C12orf42: variants seen among roughly 807,000 people sequenced by gnomAD.
C12orf42 encodes uncharacterized protein C12orf42.
C12orf42 carries 25 observed loss-of-function variants against 21.6 expected under a neutral mutation model. The ratio of observed to expected loss-of-function variants is 1.16; its 90% CI spans 0.84 to 1.62. The LOEUF (loss-of-function observed/expected upper bound fraction) is 1.62. Among genes scored for constraint, C12orf42 ranks in the 40% most tolerant of loss-of-function variants. The probability of loss-of-function intolerance (pLI) is 0.00; values close to 1 mark genes in which losing one functional copy is unlikely to be tolerated. For synonymous variants in C12orf42, 174 were observed against 175.0 expected (o/e 0.99, Z 0.05); for missense variants, 483 against 459.3 (o/e 1.05, Z -0.47).
At chr12:103,300,534 A>C (rs11111517), downstream of C12orf42, among the ~76,000 whole-genome samples, 12,608 of 152,208 alleles carry the variant, frequency 0.083, 518 homozygotes, top group East Asian at 0.18. Context: ...AGGAATTTGC[A>C]CTTCTACAGC....
intron 4 of C12orf42, among the ~76,000 whole-genome samples, chr12:103,362,464 A>C (rs897532669): frequency 2.0e-5 from 3 of 152,064 alleles, no homozygotes; most frequent in African/African-American, 4.8e-5. Flanking sequence ...ACCACCCCCC[A>C]AAAAAATCAC....
chr12:103,407,074 T>A (rs535745932), intron 2 of C12orf42, among the ~76,000 whole-genome samples: 6 of 152,264 alleles, frequency 3.9e-5, no homozygotes, highest in Admixed American at 3.9e-4. Context: ...GAGAACTCAA[T>A]GACAGCCAAG....
intron 5 of C12orf42, among the ~76,000 whole-genome samples, chr12:103,272,574 C>G (rs1236108796): frequency 6.6e-6 from 1 of 152,124 alleles, no homozygotes; most frequent in Admixed American, 6.5e-5. Flanking sequence ...AAAGAACACC[C>G]TTATTTTCTA....
chr12:103,470,063 T>G (rs1953470244), intron 2 of C12orf42, among the ~76,000 whole-genome samples: 1 of 152,226 alleles, frequency 6.6e-6, no homozygotes, highest in Non-Finnish European at 1.5e-5. Flanking sequence ...TCTGTAGTGA[T>G]GAACTCAGGA....
chr12:103,245,345 A>G (rs2136179860), intron 10 of C12orf42, among the ~76,000 whole-genome samples: 1 of 152,200 alleles, frequency 6.6e-6, no homozygotes, highest in South Asian at 2.1e-4. Context: ...TTCCTGAGGG[A>G]CATTATTTGT....
chr12:103,510,902 C>T, the C12orf42 span, among the ~76,000 whole-genome samples: 1 of 152,180 alleles, frequency 6.6e-6, no homozygotes, highest in Non-Finnish European at 1.5e-5. Context: ...CAGGTCCAGC[C>T]CCATCATCTA....
At chr12:103,286,623 G>A (rs562409380) in intron 4 of C12orf42, among the ~76,000 whole-genome samples, 4 of 151,364 alleles carry the variant, frequency 2.6e-5, no homozygotes, top group Non-Finnish European at 5.9e-5. Flanking sequence ...CTATTATTTT[G>A]CAATAGAGAG....
chr12:103,417,244 G>A (rs925030428), intron 2 of C12orf42, among the ~76,000 whole-genome samples: 1 of 152,180 alleles, frequency 6.6e-6, no homozygotes, highest in African/African-American at 2.4e-5. Context: ...TTTGTATGCT[G>A]TAAGTGATTT....
At chr12:103,108,821 G>T in the C12orf42 span, among the ~76,000 whole-genome samples, 1 of 152,066 alleles carries the variant, frequency 6.6e-6, no homozygotes, top group African/African-American at 2.4e-5. Flanking sequence ...CAAAGCACTT[G>T]TATTCACAAT....
the C12orf42 span, among the ~76,000 whole-genome samples, chr12:103,221,669 G>T: frequency 6.6e-6 from 1 of 152,112 alleles, no homozygotes; most frequent in Admixed American, 6.5e-5. Flanking sequence ...AAAGGCATTG[G>T]TTTGGAATCA....
chr12:103,354,740 T>C (rs1005583593), intron 4 of C12orf42, among the ~76,000 whole-genome samples: 1 of 152,138 alleles, frequency 6.6e-6, no homozygotes, highest in East Asian at 1.9e-4. Flanking sequence ...TTTTGTTTTG[T>C]AGAGATGGTG....
the C12orf42 span, chr12:103,505,044 A>T: frequency 1.0e-5 from 3 of 289,278 alleles, no homozygotes; most frequent in East Asian, 2.7e-4. Flanking sequence ...TAGCGGATGG[A>T]GTGGGAAGTG....
chr12:103,251,283 A>G (rs1159439911), intron 10 of C12orf42, among the ~76,000 whole-genome samples: 2 of 151,956 alleles, frequency 1.3e-5, no homozygotes, highest in African/African-American at 4.8e-5. Context: ...CCTAGCTTCC[A>G]GAGATCTCTA....
intron 4 of C12orf42, among the ~76,000 whole-genome samples, chr12:103,322,764 G>A (rs1456401347): frequency 6.6e-6 from 1 of 152,198 alleles, no homozygotes; most frequent in Non-Finnish European, 1.5e-5. Context: ...TCGTAAGAGT[G>A]CATTAGGTTA....
At chr12:103,175,433 C>T in the C12orf42 span, among the ~76,000 whole-genome samples, 5 of 152,244 alleles carry the variant, frequency 3.3e-5, no homozygotes, top group African/African-American at 1.2e-4. Flanking sequence ...TGTTGCAAAG[C>T]TCATCCTAGC....
At chr12:103,529,431 C>A in the C12orf42 span, among the ~76,000 whole-genome samples, 1 of 152,190 alleles carries the variant, frequency 6.6e-6, no homozygotes, top group Non-Finnish European at 1.5e-5. Context: ...CAGCTAACTG[C>A]TTTTGTGGTT....
chr12:103,081,270 T>G, the C12orf42 span: 1 of 152,214 alleles, frequency 6.6e-6, no homozygotes, highest in Non-Finnish European at 1.5e-5. Context: ...TATAAAACTC[T>G]TCTTTACAAG....
chr12:103,054,536 T>A, the C12orf42 span, among the ~76,000 whole-genome samples: 1 of 151,882 alleles, frequency 6.6e-6, no homozygotes, highest in African/African-American at 2.4e-5. Context: ...AAATAGGGAC[T>A]GTTACATGTT....
chr12:103,487,780 C>T (rs1447133294), intron 1 of C12orf42, among the ~76,000 whole-genome samples: 2 of 152,106 alleles, frequency 1.3e-5, no homozygotes, highest in Admixed American at 1.3e-4. Flanking sequence ...CTTGCAACCC[C>T]TCCTTTTTTT....
Sources: allele counts gnomAD v4.1 joint callset (sites outside exome capture counted in the v4.1 genomes callset), GRCh38; gene constraint gnomAD v4.1.1; transcripts MANE v1.5; gene names NCBI Gene and HGNC (gene_info 2026-07-23, HGNC 2026-07-21).